The following ALKBH1 variants were observed in gnomAD, a reference collection of about 807,000 sequenced individuals.
ALKBH1 encodes the protein nucleic acid dioxygenase ALKBH1.
ALKBH1 carries 31 observed loss-of-function variants against 36.6 expected under a neutral mutation model. That is an observed-to-expected ratio of 0.85 (90% confidence interval 0.64 to 1.14). The LOEUF is 1.14. ALKBH1 is among the 50% of genes most tolerant of loss of function. The pLI, the probability that ALKBH1 is intolerant of heterozygous loss-of-function variation, is 0.00. For missense variants in ALKBH1, 490 were observed against 497.3 expected, an observed-to-expected ratio of 0.99 and a Z score of 0.14; for synonymous variants, 183 against 186.6, an observed-to-expected ratio of 0.98 and a Z score of 0.16.
chr14:77,686,709 C>T (rs4899671), intron 3 of ALKBH1, among the ~76,000 whole-genome samples: 18,761 of 152,120 alleles, frequency 0.12, 1,499 homozygotes, highest in African/African-American at 0.22. Context: ...CTGCAACCTC[C>T]GCCTCCTGGG....
In ALKBH1 at chr14:77,673,508, C is replaced by A; in HGVS notation, c.*304G>T. ...TGCAAACATGGAAACTCACTTCTAC[C>A]TTCCTCAAAGGAAATAGCAGAGGCT... On this transcript the variant is annotated 3_prime_UTR_variant, in exon 6 of 6. Coordinates refer to ENST00000216489, the MANE Select transcript of ALKBH1 (RefSeq NM_006020.3). 1 of 329,180 alleles carries A rather than the reference C, an allele frequency of 3.0e-6. No individual in the cohort carries two copies. The highest frequency in any genetic ancestry group is 5.1e-5 in the South Asian group (1 of 19,638). 20.4% of individuals were successfully genotyped at this position (329,180 alleles called of 1,614,324 possible). A position where few individuals can be genotyped will look rare whatever the true frequency, so the allele number is the denominator to read the frequency against.
At chr14:77,685,446 C>A (rs1201455088) in intron 3 of ALKBH1, among the ~76,000 whole-genome samples, 4 of 103,508 alleles carry the variant, frequency 3.9e-5, no homozygotes, top group Non-Finnish European at 6.1e-5. Context: ...TAAAAAAAAA[C>A]ACAAAAAAAA....
intron 1 of ALKBH1, among the ~76,000 whole-genome samples, chr14:77,706,277 T>C (rs1285265727): frequency 6.6e-6 from 1 of 152,088 alleles, no homozygotes; most frequent in African/African-American, 2.4e-5. Flanking sequence ...AGCTGAGTTT[T>C]CCAGGTACCT....
chr14:77,685,474 A>G (rs1416688236), intron 3 of ALKBH1, among the ~76,000 whole-genome samples: 1 of 148,416 alleles, frequency 6.7e-6, no homozygotes, highest in African/African-American at 2.5e-5. Context: ...CTCTAACTGT[A>G]TGATTAAAAG....
rs1555384410 is a variant in ALKBH1, at chr14:77,693,223, A to AC, written c.455+1514_455+1515insG. 2.0e-4 allele frequency among the ~76,000 whole-genome samples: 25 copies of AC among 122,636 alleles called. 1 individual carries two copies. Among genetic ancestry groups the AC allele is most frequent in the South Asian group, 5.0e-4 (2 of 4,020 alleles). 80.5% of individuals were successfully genotyped at this position (122,636 alleles called of 152,430 possible). A position where few individuals can be genotyped will look rare whatever the true frequency, so the allele number is the denominator to read the frequency against. On this transcript the variant is annotated intron_variant, in intron 3 of 5. Transcript: ENST00000216489. ...CTCCGTCTCAAAAAAAAAAAAAAAA[A>AC]ATTTTTTTTCATAGAGATGGGGTCT...
chr14:77,682,860 C>T (rs2080245556), intron 3 of ALKBH1, among the ~76,000 whole-genome samples: 2 of 152,070 alleles, frequency 1.3e-5, no homozygotes, highest in African/African-American at 4.8e-5. Context: ...CCACGCCTGG[C>T]TAATTTTTGT....
rs956113237 is a variant in ALKBH1 at position 77,673,049 on chromosome 14, T to C, written c.*763A>G. On this transcript the variant is annotated 3_prime_UTR_variant, in exon 6 of 6. Transcript: ENST00000216489. ...CCCAAAGACAGATATAGATCTTTAA[T>C]TTAAAATCAAGTGAGTTTATTCATG... 2 of 152,190 alleles carry C rather than the reference T, an allele frequency of 1.3e-5. No individual in the cohort carries two copies. The highest frequency in any genetic ancestry group is 4.8e-5 in the African/African-American group (2 of 41,450). The allele number at this position is 152,190 out of a possible 1,614,324, so 9.4% of individuals were successfully genotyped here.
intron 2 of ALKBH1, among the ~76,000 whole-genome samples, chr14:77,700,446 AC>A (rs2139864279): frequency 6.6e-6 from 1 of 152,340 alleles, no homozygotes; most frequent in Admixed American, 6.5e-5. Flanking sequence ...CATCAAGGAA[AC>A]CTCATACAGA....
chr14:77,704,588 T>A, intron 1 of ALKBH1, 111 bp from the exon 2 acceptor site: 1 of 808,216 alleles, frequency 1.2e-6, no homozygotes, highest in Non-Finnish European at 2.1e-6. Flanking sequence ...AGGATTCTTG[T>A]TTAAGATACA....
At chr14:77,702,516 T>C (rs1169536983) in intron 2 of ALKBH1, among the ~76,000 whole-genome samples, 1 of 152,072 alleles carries the variant, frequency 6.6e-6, no homozygotes, top group African/African-American at 2.4e-5. Context: ...CAATGAAAAC[T>C]AACATTTCTT....
At chr14:77,700,053 C>CA (rs1437816195) in intron 2 of ALKBH1, among the ~76,000 whole-genome samples, 1 of 151,598 alleles carries the variant, frequency 6.6e-6, no homozygotes, top group African/African-American at 2.4e-5. Context: ...GACTCTGTCT[C>CA]AAAAAATAAA....
intron 3 of ALKBH1, among the ~76,000 whole-genome samples, chr14:77,690,572 C>G (rs1271274950): frequency 6.6e-6 from 1 of 152,058 alleles, no homozygotes; most frequent in Admixed American, 6.6e-5. Flanking sequence ...TAGACCAAGG[C>G]AGTTGTGATG....
intron 3 of ALKBH1, among the ~76,000 whole-genome samples, chr14:77,689,560 C>G (rs1351894001): frequency 6.6e-6 from 1 of 152,028 alleles, no homozygotes; most frequent in Non-Finnish European, 1.5e-5. Flanking sequence ...TGAGCACCTT[C>G]TAATATATAC....
At position 77,704,479 on chromosome 14, in the gene ALKBH1, T is replaced by C. The variant is rs1872667423; in HGVS notation, c.184-2A>G. 1 of 1,612,552 alleles carries C rather than the reference T, an allele frequency of 6.2e-7. No homozygotes were observed. Among genetic ancestry groups the C allele is most frequent in the Non-Finnish European group, 8.5e-7 (1 of 1,178,584 alleles). On this transcript the variant is annotated splice_acceptor_variant, in intron 1 of 5. Transcript: ENST00000216489. LOFTEE classifies it high-confidence loss of function. ...CACATTTAGCTGAGATTTGATCACC[T>C]GGCAGGAAGGAAACAGAAGTTAAAG...
intron 1 of ALKBH1, among the ~76,000 whole-genome samples, chr14:77,705,756 C>T (rs1486209698): frequency 6.6e-6 from 1 of 152,022 alleles, no homozygotes; most frequent in Non-Finnish European, 1.5e-5. Flanking sequence ...GTCTGCCTTG[C>T]CTTAAAATAT....
Position 77,707,805 on chromosome 14 carries a change from C to T in ALKBH1, c.183+17G>A. 1 of 1,572,784 alleles carries T rather than the reference C, an allele frequency of 6.4e-7. No homozygotes were observed. Among genetic ancestry groups the T allele is most frequent in the Non-Finnish European group, 8.6e-7 (1 of 1,157,686 alleles). The stretch of plus-strand genomic sequence containing the variant: ...GGCAAAGCGATGGAGAGACGCGCGC[C>T]ACTCCTCTCTCTGTACCTTTTGGGC... On this transcript the variant is annotated intron_variant, in intron 1 of 5. Transcript: ENST00000216489.
chr14:77,693,448 A>G (rs543418107), intron 3 of ALKBH1, among the ~76,000 whole-genome samples: 1 of 152,284 alleles, frequency 6.6e-6, no homozygotes, highest in South Asian at 2.1e-4. Flanking sequence ...TTGAATCTCT[A>G]ACACTAAAGC....
At chr14:77,693,902 G>A (rs1436551961) in intron 3 of ALKBH1, among the ~76,000 whole-genome samples, 1 of 152,094 alleles carries the variant, frequency 6.6e-6, no homozygotes, top group Non-Finnish European at 1.5e-5. Context: ...CAGGAGAATC[G>A]TTTTAATCCA....
At position 77,673,106 on chromosome 14, in the gene ALKBH1, T is replaced by C. The variant is rs991788022; in HGVS notation, c.*706A>G. ...ACAGTAACAAAACACCCTTGGGACT[T>C]TTTTATTCCAACAATTAAAATTGCA... is the stretch of plus-strand genomic sequence containing the variant. On this transcript the variant is annotated 3_prime_UTR_variant, in exon 6 of 6. Transcript: ENST00000216489. 2 of 152,236 alleles carry C rather than the reference T, an allele frequency of 1.3e-5. No individual in the cohort carries two copies. The allele number at this position is 152,236 out of a possible 1,614,324, so 9.4% of individuals were successfully genotyped here. A position where few individuals can be genotyped will look rare whatever the true frequency, so the allele number is the denominator to read the frequency against.
Sources: gnomAD v4.1 joint callset for allele counts (sites outside exome capture counted in the v4.1 genomes callset) on GRCh38, gnomAD v4.1.1 for gene constraint, MANE v1.5 for transcripts, NCBI Gene and HGNC (gene_info 2026-07-23, HGNC 2026-07-21) for gene names.